Variants in JMY observed in about 807,000 individuals in gnomAD.
JMY encodes the protein junction-mediating and -regulatory protein.
JMY carries 46 observed loss-of-function variants against 103.3 expected under a neutral mutation model. The observed-to-expected ratio is 0.45, with a 90% CI of 0.35 to 0.57. The LOEUF (loss-of-function observed/expected upper bound fraction) is 0.57, where lower values mean the gene tolerates loss of function less well. Ranked by LOEUF, JMY falls within the 20% of genes least tolerant of loss-of-function variation. JMY has a pLI of 0.00. For synonymous variants in JMY, 526 were observed against 489.3 expected, an observed-to-expected ratio of 1.07 and a Z score of -0.99; for missense variants, 1,238 against 1,255.2, an observed-to-expected ratio of 0.99 and a Z score of 0.21.
At position 79,316,236 on chromosome 5, in the gene JMY, A is replaced by C. The variant is rs1452935350; in HGVS notation, c.2896A>C (p.Arg966=). 6.2e-7 allele frequency: 1 copy of C among 1,614,000 alleles called. No homozygotes were observed. The highest frequency in any genetic ancestry group is 8.5e-7 in the Non-Finnish European group (1 of 1,180,006). ...ACGGAGCATCCATGAAGCTCTTAGAAGAATTAAAGAAGCATCCCCAGAGTC... is the reference window on the plus strand; with the variant it reads ...ACGGAGCATCCATGAAGCTCTTAGACGAATTAAAGAAGCATCCCCAGAGTC... ...LTRSIHEALR[R]IKEASPESED... The change falls in exon 10 of 11, where the codon AGA becomes CGA. Residue 966 remains arginine, a synonymous_variant. Transcript: ENST00000396137.
intron 1 of JMY, among the ~76,000 whole-genome samples, chr5:79,246,279 A>G (rs573400849): frequency 6.6e-6 from 1 of 152,264 alleles, no homozygotes; most frequent in African/African-American, 2.4e-5. Flanking sequence ...TATCTAGATG[A>G]GTTTCTATCC....
chr5:79,237,012 G>C lies in JMY; in HGVS notation c.362G>C (p.Ser121Thr), dbSNP rs117234103. ...AEGGSPRSTR[S>T]LLGDPRLRSP... ...GGCGGCTCTCCTCGGAGCACTCGCA[G>C]CCTTCTGGGGGACCCGCGGCTGCGG... is the stretch of plus-strand genomic sequence containing the variant. The change falls in exon 1 of 11, where the codon AGC (serine) becomes ACC (threonine). Residue 121 changes from serine to threonine, a missense_variant. Coordinates refer to ENST00000396137, the MANE Select transcript of JMY (RefSeq NM_152405.5). 461 of 1,485,392 alleles carry C rather than the reference G, an allele frequency of 3.1e-4. 5 individuals are homozygous for C. The East Asian group carries it at 0.011, about 34-fold the overall frequency. 92.0% of individuals were successfully genotyped at this position (1,485,392 alleles called of 1,614,324 possible).
intron 6 of JMY, 144 bp from the exon 7 acceptor site, chr5:79,306,231 G>A: frequency 4.9e-6 from 3 of 611,442 alleles, no homozygotes; most frequent in South Asian, 2.1e-5. Context: ...TACAGCTTCA[G>A]TTGTCCAAAT....
chr5:79,277,392 C>T (rs562799707), intron 1 of JMY, among the ~76,000 whole-genome samples: 22 of 151,184 alleles, frequency 1.5e-4, no homozygotes, highest in South Asian at 1.1e-3. Flanking sequence ...TTTGGGAGGC[C>T]GAGGCGGGTG....
chr5:79,318,176 T>A (rs1747302137), intron 10 of JMY, among the ~76,000 whole-genome samples: 1 of 148,222 alleles, frequency 6.7e-6, no homozygotes. Context: ...TCTTTTTTCT[T>A]TTTTTTTTTT....
chr5:79,248,662 A>G (rs1178698633), intron 1 of JMY, among the ~76,000 whole-genome samples: 3 of 152,148 alleles, frequency 2.0e-5, no homozygotes, highest in South Asian at 4.1e-4. Flanking sequence ...TATAGAAAAA[A>G]AAAAAAGTTT....
At chr5:79,295,830 G>A (rs1311117113) in intron 4 of JMY, among the ~76,000 whole-genome samples, 1 of 152,090 alleles carries the variant, frequency 6.6e-6, no homozygotes, top group Non-Finnish European at 1.5e-5. Context: ...TTATTCCATA[G>A]GTGCACACTA....
chr5:79,317,063 A>T (rs758241721), intron 10 of JMY, among the ~76,000 whole-genome samples: 73 of 149,946 alleles, frequency 4.9e-4, no homozygotes, highest in South Asian at 8.5e-4. Context: ...CAATACGTCA[A>T]TTTTTTTTTT....
chr5:79,284,285 T>C lies in JMY; in HGVS notation c.1207-5836T>C, dbSNP rs531358015. On this transcript the variant is annotated intron_variant, in intron 2 of 10. Transcript: ENST00000396137. ...ACTTGGGCTTCTTCAGCATTTTTAC[T>C]TTTCTAACGAAGACATCATGGAGAG... is the stretch of plus-strand genomic sequence containing the variant. 51 of 1,473,278 alleles carry C rather than the reference T, an allele frequency of 3.5e-5. 1 individual carries two copies. The Admixed American group carries it at 8.4e-4, about 24-fold the overall frequency. The allele number at this position is 1,473,278 out of a possible 1,614,324, so 91.3% of individuals were successfully genotyped here.
chr5:79,310,741 A>G (rs1747021718), intron 7 of JMY, among the ~76,000 whole-genome samples: 2 of 152,254 alleles, frequency 1.3e-5, no homozygotes, highest in African/African-American at 4.8e-5. Flanking sequence ...ACTTATTAAT[A>G]CTACTATTTT....
At chr5:79,319,553 T>C (rs78929169) in intron 10 of JMY, among the ~76,000 whole-genome samples, 127 of 85,556 alleles carry the variant, frequency 1.5e-3, no homozygotes, top group African/African-American at 6.0e-3. Flanking sequence ...CCCATTAATT[T>C]ATTAGATTCC....
intron 1 of JMY, among the ~76,000 whole-genome samples, chr5:79,259,941 C>T (rs7708490): frequency 0.013 from 2,020 of 152,322 alleles, 54 homozygotes; most frequent in African/African-American, 0.045. Flanking sequence ...CCACTGGCTC[C>T]ATGGAGCATG....
chr5:79,303,744 G>A (rs935866395), intron 6 of JMY, among the ~76,000 whole-genome samples: 1 of 152,174 alleles, frequency 6.6e-6, no homozygotes, highest in African/African-American at 2.4e-5. Flanking sequence ...AGTAGGCTCA[G>A]GTGCTCCAGA....
intron 2 of JMY, among the ~76,000 whole-genome samples, chr5:79,281,353 A>AT (rs35881012): frequency 0.011 from 1,242 of 116,704 alleles, 16 homozygotes; most frequent in African/African-American, 0.028. Flanking sequence ...CAAGAAATTA[A>AT]TTTTTTTTTT....
intron 7 of JMY, among the ~76,000 whole-genome samples, chr5:79,308,116 T>A (rs1746942742): frequency 6.6e-6 from 1 of 152,204 alleles, no homozygotes; most frequent in Non-Finnish European, 1.5e-5. Flanking sequence ...TGGCTTACAC[T>A]CCTTTATCAG....
chr5:79,252,705 A>G (rs961088031), intron 1 of JMY, among the ~76,000 whole-genome samples: 4 of 152,214 alleles, frequency 2.6e-5, no homozygotes, highest in East Asian at 3.8e-4. Context: ...CTTTATCACT[A>G]TATAATGACC....
intron 1 of JMY, among the ~76,000 whole-genome samples, chr5:79,240,667 A>G (rs943767179): frequency 4.6e-5 from 7 of 152,188 alleles, no homozygotes; most frequent in Non-Finnish European, 1.0e-4. Flanking sequence ...AATAATGCCT[A>G]TCTTGACTTC....
At chr5:79,294,961 C>T (rs925980236) in intron 4 of JMY, among the ~76,000 whole-genome samples, 5 of 151,962 alleles carry the variant, frequency 3.3e-5, no homozygotes, top group African/African-American at 1.2e-4. Flanking sequence ...TCTGAACATA[C>T]ATAATCTAAT....
intron 1 of JMY, among the ~76,000 whole-genome samples, chr5:79,267,053 G>A (rs1264879320): frequency 6.6e-6 from 1 of 152,138 alleles, no homozygotes; most frequent in Non-Finnish European, 1.5e-5. Flanking sequence ...GAAAAATTGA[G>A]CAGATAGTAC....
Sources: gnomAD v4.1 joint callset for allele counts (sites outside exome capture counted in the v4.1 genomes callset) on GRCh38, gnomAD v4.1.1 for gene constraint, MANE v1.5 for transcripts, NCBI Gene and HGNC (gene_info 2026-07-23, HGNC 2026-07-21) for gene names.